Variants in DNAH5 observed in about 807,000 individuals in gnomAD.
DNAH5 encodes dynein axonemal heavy chain 5.
DNAH5 carries 372 observed loss-of-function variants against 518.2 expected under a neutral mutation model. The ratio of observed to expected loss-of-function variants is 0.72; its 90% CI spans 0.66 to 0.78. The LOEUF is 0.78. Among genes scored for constraint, DNAH5 ranks in the 30% least tolerant of loss-of-function variants. The pLI, the probability that DNAH5 is intolerant of heterozygous loss-of-function variation, is 0.00. For synonymous variants in DNAH5, 2,039 were observed against 2,025.9 expected, an observed-to-expected ratio of 1.01 and a Z score of -0.17; for missense variants, 5,523 against 5,687.0, an observed-to-expected ratio of 0.97 and a Z score of 0.93.
In DNAH5 at chr5:13,698,718, A is replaced by G. The variant is rs533052303; in HGVS notation, c.13723+1922T>C. On this transcript the variant is annotated intron_variant, in intron 78 of 78. Transcript: ENST00000265104. ...GGAAAAAGTACCCCCCAAAAATTGA[A>G]AAACATAGTACTAAAGAGACAACAA... 7.9e-5 allele frequency among the ~76,000 whole-genome samples: 12 copies of G among 152,326 alleles called. 1 individual carries two copies. Among genetic ancestry groups the G allele is most frequent in the Admixed American group, 7.2e-4 (11 of 15,308 alleles).
At chr5:13,782,136 G>GT (rs1755253957) in intron 52 of DNAH5, among the ~76,000 whole-genome samples, 2 of 152,120 alleles carry the variant, frequency 1.3e-5, no homozygotes, top group South Asian at 4.2e-4. Context: ...GAGCCTAGGG[G>GT]TATCACTGCG....
intron 72 of DNAH5, 21 bp from the exon 73 acceptor site, chr5:13,717,541 A>C: frequency 6.3e-7 from 1 of 1,590,100 alleles, no homozygotes; most frequent in South Asian, 1.1e-5. Context: ...CAGTTGGGTG[A>C]AAAATGTATC....
exon 1 of DNAH5, among the ~76,000 whole-genome samples, chr5:14,011,738 C>T (rs910889137): frequency 3.9e-5 from 6 of 152,188 alleles, no homozygotes; most frequent in African/African-American, 1.4e-4. Flanking sequence ...CCGCCGCGCC[C>T]TGCCCTCGTC....
chr5:13,812,450 T>C (rs1249385310), intron 43 of DNAH5, among the ~76,000 whole-genome samples: 1 of 152,076 alleles, frequency 6.6e-6, no homozygotes, highest in East Asian at 1.9e-4. Flanking sequence ...GGACCACAAG[T>C]GCATGCCACT....
At chr5:13,867,753 C>G in intron 25 of DNAH5, 21 bp downstream of exon 25, 1 of 1,594,674 alleles carries the variant, frequency 6.3e-7, no homozygotes, top group South Asian at 1.1e-5. Flanking sequence ...AAAACGCACA[C>G]AGAGAAAGCC....
chr5:13,716,735 CATT>C (rs1198140091), intron 73 of DNAH5, 45 bp from the exon 74 acceptor site: 1 of 1,363,016 alleles, frequency 7.3e-7, no homozygotes, highest in Admixed American at 1.7e-5. Context: ...ACTACCGTTG[CATT>C]ATTATTTCCC....
chr5:13,938,433 C>T (rs1278900796), intron 1 of DNAH5, among the ~76,000 whole-genome samples: 1 of 151,968 alleles, frequency 6.6e-6, no homozygotes, highest in Non-Finnish European at 1.5e-5. Context: ...ATTTTTATTA[C>T]AGTATATAGT....
intron 1 of DNAH5, among the ~76,000 whole-genome samples, chr5:13,963,471 G>A (rs969272836): frequency 1.4e-4 from 21 of 151,900 alleles, no homozygotes; most frequent in Non-Finnish European, 2.9e-4. Context: ...CCAGCTACTC[G>A]GGAGGCTGAG....
intron 63 of DNAH5, among the ~76,000 whole-genome samples, chr5:13,752,820 T>C (rs1424024047): frequency 1.3e-5 from 2 of 152,250 alleles, no homozygotes; most frequent in Non-Finnish European, 2.9e-5. Flanking sequence ...AAACTATCAT[T>C]TTGTTTTATT....
intron 1 of DNAH5, among the ~76,000 whole-genome samples, chr5:13,999,860 T>C (rs925411579): frequency 2.0e-5 from 3 of 152,222 alleles, no homozygotes; most frequent in African/African-American, 7.2e-5. Context: ...ACTTGCCCTT[T>C]GTTGTTGCTG....
At chr5:14,010,677 G>T (rs919886489) in intron 1 of DNAH5, among the ~76,000 whole-genome samples, 3 of 152,078 alleles carry the variant, frequency 2.0e-5, no homozygotes, top group Admixed American at 6.6e-5. Context: ...ATATGAAAAT[G>T]AGAATATTAA....
At chr5:13,890,839 T>G (rs1428429744) in intron 17 of DNAH5, 137 bp downstream of exon 17, 4 of 955,928 alleles carry the variant, frequency 4.2e-6, no homozygotes, top group Admixed American at 4.9e-5. Flanking sequence ...TGTCAGAAGA[T>G]TCCATGTCTG....
At chr5:13,715,895 G>T (rs1041463656) in intron 74 of DNAH5, among the ~76,000 whole-genome samples, 1 of 152,190 alleles carries the variant, frequency 6.6e-6, no homozygotes, top group African/African-American at 2.4e-5. Flanking sequence ...CGTGGATAGA[G>T]GCCTGGGATG....
chr5:13,933,413 A>C (rs1299897066), intron 1 of DNAH5, among the ~76,000 whole-genome samples: 1 of 152,228 alleles, frequency 6.6e-6, no homozygotes, highest in Non-Finnish European at 1.5e-5. Flanking sequence ...AAACATATTG[A>C]AATGAAAACA....
chr5:14,001,286 C>G (rs1219666695), intron 1 of DNAH5, among the ~76,000 whole-genome samples: 2 of 152,132 alleles, frequency 1.3e-5, no homozygotes, highest in Non-Finnish European at 2.9e-5. Context: ...TCCCCTAATT[C>G]TAAAATAAAA....
chr5:13,962,220 G>T (rs895615573), intron 1 of DNAH5, among the ~76,000 whole-genome samples: 5 of 152,144 alleles, frequency 3.3e-5, no homozygotes, highest in African/African-American at 1.2e-4. Context: ...CCCTGAACAT[G>T]ATTGATAAGC....
chr5:13,760,959 C>T (rs1354185), intron 60 of DNAH5, among the ~76,000 whole-genome samples: 17,289 of 152,214 alleles, frequency 0.11, 1,124 homozygotes, highest in East Asian at 0.32. Flanking sequence ...TTCGGACTGA[C>T]GTAAGAGGAA....
Position 13,871,623 on chromosome 5 carries a change from T to C in DNAH5, c.3539A>G (p.Glu1180Gly). ...ESQILYFQNL[E>G]QEINAEPEYV... ...TTCAGGCTCAGCATTAATTTCCTGCTCTAGGTTTTGGAAATAGAGAATCTG... is the reference window on the plus strand; with the variant it reads ...TTCAGGCTCAGCATTAATTTCCTGCCCTAGGTTTTGGAAATAGAGAATCTG... The change falls in exon 23 of 79, where the codon GAG (glutamate) becomes GGG (glycine). Residue 1180 changes from glutamate to glycine, a missense_variant. Around this residue, in one of 3 missense-constraint regions of DNAH5, gnomAD observed 5,121 missense variants for 5,223.3 expected, o/e 0.98. Transcript: ENST00000265104. 1 of 1,613,824 alleles carries C rather than the reference T, an allele frequency of 6.2e-7. No homozygotes were observed. The highest frequency in any genetic ancestry group is 8.5e-7 in the Non-Finnish European group (1 of 1,179,790).
chr5:13,891,505 A>C (rs1371072165), intron 16 of DNAH5, among the ~76,000 whole-genome samples: 1 of 151,910 alleles, frequency 6.6e-6, no homozygotes, highest in Admixed American at 6.6e-5. Flanking sequence ...CTGCCTGCCT[A>C]ACTCTCACTC....
Sources: allele counts gnomAD v4.1 joint callset (sites outside exome capture counted in the v4.1 genomes callset), GRCh38; gene constraint gnomAD v4.1.1; regional missense constraint gnomAD v4.1.1; transcripts MANE v1.5; gene names NCBI Gene and HGNC (gene_info 2026-07-23, HGNC 2026-07-21).